Variants in RBFOX1 observed in about 807,000 individuals in gnomAD.
RBFOX1 encodes RNA binding fox-1 homolog 1.
RBFOX1 carries 8 observed loss-of-function variants against 57.7 expected under a neutral mutation model. That is an observed-to-expected ratio of 0.14 (90% CI 0.08 to 0.25). The LOEUF is 0.25. RBFOX1 is among the 10% of genes least tolerant of loss of function. The probability of loss-of-function intolerance (pLI) is 1.00; values close to 1 mark genes in which losing one functional copy is unlikely to be tolerated. For synonymous variants in RBFOX1, 326 were observed against 222.4 expected (o/e 1.47, Z -4.15); for missense variants, 611 against 548.5 (o/e 1.11, Z -1.14).
At chr16:6,193,400 A>ATATATATATACAT (rs2097158141) in intron 1 of RBFOX1, among the ~76,000 whole-genome samples, 1 of 85,256 alleles carries the variant, frequency 1.2e-5, no homozygotes, top group Non-Finnish European at 2.3e-5. Context: ...TACTATATAT[A>ATATATATATACAT]TATATATATA....
intron 2 of RBFOX1, among the ~76,000 whole-genome samples, chr16:5,516,840 C>T (rs1298003073): frequency 1.3e-5 from 2 of 152,116 alleles, no homozygotes; most frequent in African/African-American, 2.4e-5. Context: ...TATGAAGAGG[C>T]GCCTTCTGCC....
chr16:6,668,609 A>C (rs1329767629), intron 3 of RBFOX1, among the ~76,000 whole-genome samples: 2 of 152,188 alleles, frequency 1.3e-5, no homozygotes, highest in African/African-American at 2.4e-5. Context: ...TCTGTTGATT[A>C]CATTATGGTA....
At chr16:6,386,640 G>A (rs138809034) in intron 2 of RBFOX1, among the ~76,000 whole-genome samples, 102 of 152,318 alleles carry the variant, frequency 6.7e-4, no homozygotes, top group African/African-American at 2.5e-3. Flanking sequence ...GTCCCAAAGA[G>A]AGAAAAGAAG....
intron 3 of RBFOX1, among the ~76,000 whole-genome samples, chr16:6,885,838 T>A (rs1432365894): frequency 6.6e-6 from 1 of 152,150 alleles, no homozygotes; most frequent in Non-Finnish European, 1.5e-5. Context: ...GCCTTAGTCA[T>A]GCAATTTTTA....
At position 6,029,588 on chromosome 16, in the gene RBFOX1, A is replaced by G. The variant is rs531357553; in HGVS notation, c.-127+9596A>G. Reference sequence around the variant, plus strand: ...GGAGATCGAGACCATCCTGGCTAACATGGTGAAACCCCGTCTCTACTAAAA... The same window carrying G: ...GGAGATCGAGACCATCCTGGCTAACGTGGTGAAACCCCGTCTCTACTAAAA... On this transcript the variant is annotated intron_variant, in intron 1 of 15. Coordinates refer to ENST00000550418, the MANE Select transcript of RBFOX1 (RefSeq NM_018723.4). Among the ~76,000 whole-genome samples, 356 of 151,996 alleles carry G rather than the reference A, an allele frequency of 2.3e-3. 1 individual carries two copies. Among genetic ancestry groups the G allele is most frequent in the Non-Finnish European group, 3.9e-3 (265 of 67,968 alleles).
intron 4 of RBFOX1, among the ~76,000 whole-genome samples, chr16:6,000,560 A>G (rs1222659075): frequency 6.6e-6 from 1 of 152,152 alleles, no homozygotes; most frequent in Non-Finnish European, 1.5e-5. Flanking sequence ...CCTTTGCTGA[A>G]TATTGTATAA....
chr16:5,571,434 C>G (rs552517652), intron 2 of RBFOX1, among the ~76,000 whole-genome samples: 123 of 152,024 alleles, frequency 8.1e-4, no homozygotes, highest in African/African-American at 2.8e-3. Flanking sequence ...ACGCTGGTCT[C>G]AAACTCCTGA....
intron 4 of RBFOX1, among the ~76,000 whole-genome samples, chr16:7,424,776 A>C (rs2098593819): frequency 6.6e-6 from 1 of 152,180 alleles, no homozygotes; most frequent in Admixed American, 6.5e-5. Flanking sequence ...AAACAAACAA[A>C]CAGTGCCAGC....
intron 2 of RBFOX1, among the ~76,000 whole-genome samples, chr16:6,496,671 G>A (rs925303787): frequency 1.3e-5 from 2 of 152,106 alleles, no homozygotes; most frequent in Non-Finnish European, 2.9e-5. Flanking sequence ...AAATTACAGC[G>A]AGTATTGGCC....
chr16:6,841,011 T>A (rs542615796), intron 3 of RBFOX1, among the ~76,000 whole-genome samples: 25 of 152,222 alleles, frequency 1.6e-4, no homozygotes, highest in African/African-American at 5.8e-4. Flanking sequence ...TGCCAGCACC[T>A]TGGGCTTAGC....
intron 2 of RBFOX1, among the ~76,000 whole-genome samples, chr16:5,504,172 G>T (rs531212965): frequency 1.8e-4 from 27 of 152,316 alleles, no homozygotes; most frequent in African/African-American, 6.5e-4. Context: ...TTTCAAACTC[G>T]ATTTGAGGCT....
At chr16:7,230,464 G>T (rs1461043211) in intron 4 of RBFOX1, among the ~76,000 whole-genome samples, 1 of 152,098 alleles carries the variant, frequency 6.6e-6, no homozygotes, top group Non-Finnish European at 1.5e-5. Context: ...GATCAGCTTT[G>T]TCCTCTCAAG....
In RBFOX1 at chr16:5,593,478, C is replaced by T. The variant is rs532648236; in HGVS notation, c.259-5424C>T. On this transcript the variant is annotated intron_variant, in intron 2 of 2. Transcript: ENST00000585867. ...CACTTTCTGCACATCTATCCCAAAA[C>T]TTAAAGTATAATTTAGAAAAAAAAG... 3.3e-5 allele frequency among the ~76,000 whole-genome samples: 5 copies of T among 152,184 alleles called. No individual in the cohort carries two copies. The South Asian group carries it at 8.3e-4, about 25-fold the overall frequency.
chr16:5,973,918 G>A (rs1379371389), intron 4 of RBFOX1, among the ~76,000 whole-genome samples: 1 of 152,152 alleles, frequency 6.6e-6, no homozygotes, highest in Non-Finnish European at 1.5e-5. Flanking sequence ...ATATTGAATG[G>A]ACTCTGGCAT....
chr16:7,579,407 C>A (rs2093581220), intron 5 of RBFOX1, among the ~76,000 whole-genome samples: 1 of 152,122 alleles, frequency 6.6e-6, no homozygotes, highest in African/African-American at 2.4e-5. Flanking sequence ...TTCTCGCTCC[C>A]CACCTCCCAA....
intron 3 of RBFOX1, among the ~76,000 whole-genome samples, chr16:5,612,187 CCATT>C (rs1162666310): frequency 7.1e-6 from 1 of 141,778 alleles, no homozygotes; most frequent in African/African-American, 2.6e-5. Context: ...TCCCACCCAT[CCATT>C]CATTCATTCT....
At chr16:7,127,650 G>A (rs2068961988) in intron 4 of RBFOX1, among the ~76,000 whole-genome samples, 1 of 152,128 alleles carries the variant, frequency 6.6e-6, no homozygotes, top group Non-Finnish European at 1.5e-5. Flanking sequence ...CAATTGTGTG[G>A]TGATGATTTC....
At chr16:7,000,230 T>A (rs1442012350) in intron 3 of RBFOX1, among the ~76,000 whole-genome samples, 3 of 152,164 alleles carry the variant, frequency 2.0e-5, no homozygotes, top group Admixed American at 2.0e-4. Flanking sequence ...TCTGTTAATA[T>A]AAGCAAGCAT....
intron 1 of RBFOX1, among the ~76,000 whole-genome samples, chr16:6,287,414 A>ATAT (rs2077009799): frequency 6.6e-6 from 1 of 152,106 alleles, no homozygotes; most frequent in South Asian, 2.1e-4. Context: ...TGCCAATATG[A>ATAT]TATTTATTAA....
Sources: allele counts gnomAD v4.1 joint callset (sites outside exome capture counted in the v4.1 genomes callset), GRCh38; gene constraint gnomAD v4.1.1; transcripts MANE v1.5; gene names NCBI Gene and HGNC (gene_info 2026-07-23, HGNC 2026-07-21).